Variants in ADAMTSL1 observed in about 807,000 individuals in gnomAD.
ADAMTSL1 encodes ADAMTS-like protein 1.
In ADAMTSL1, 126 loss-of-function variants were observed where a neutral mutation model predicts 201.8. The observed-to-expected ratio is 0.62, with a 90% CI of 0.54 to 0.72. The LOEUF is 0.72. Ranked by LOEUF, ADAMTSL1 falls within the 30% of genes least tolerant of loss-of-function variation. The probability of loss-of-function intolerance (pLI) is 0.00; values close to 1 mark genes in which losing one functional copy is unlikely to be tolerated. For missense variants in ADAMTSL1, 2,679 were observed against 2,277.8 expected (o/e 1.18, Z -3.59); for synonymous variants, 1,121 against 903.4 (o/e 1.24, Z -4.32).
At chr9:18,677,222 C>T (rs1344033023) in intron 10 of ADAMTSL1, among the ~76,000 whole-genome samples, 1 of 151,686 alleles carries the variant, frequency 6.6e-6, no homozygotes, top group Non-Finnish European at 1.5e-5. Context: ...TTAACTCTTT[C>T]ACTACGTGGC....
chr9:18,646,171 C>G (rs1827798223), intron 7 of ADAMTSL1, among the ~76,000 whole-genome samples: 1 of 151,618 alleles, frequency 6.6e-6, no homozygotes, highest in Non-Finnish European at 1.5e-5. Context: ...GGAGTTCACT[C>G]ATGATTTGGC....
intron 3 of ADAMTSL1, among the ~76,000 whole-genome samples, chr9:18,556,047 T>C (rs1007406776): frequency 6.6e-6 from 1 of 151,918 alleles, no homozygotes; most frequent in African/African-American, 2.4e-5. Flanking sequence ...AGCTCAGCTC[T>C]CAGGATCTGT....
chr9:18,815,420 C>T (rs10963781), intron 20 of ADAMTSL1, among the ~76,000 whole-genome samples: 28,013 of 150,906 alleles, frequency 0.19, 2,867 homozygotes, highest in East Asian at 0.31. Flanking sequence ...CGTGGTGGCT[C>T]ATGCCTGTAA....
At chr9:18,600,901 T>G (rs754878174) in intron 4 of ADAMTSL1, among the ~76,000 whole-genome samples, 4 of 152,210 alleles carry the variant, frequency 2.6e-5, no homozygotes, top group Non-Finnish European at 4.4e-5. Context: ...ATTTACGTTA[T>G]TTTTCTTTCT....
At position 18,574,023 on chromosome 9, in the gene ADAMTSL1, T is replaced by A. The variant is rs1822527865; in HGVS notation, c.238-7T>A. 1 of 1,610,374 alleles carries A rather than the reference T, an allele frequency of 6.2e-7. No homozygotes were observed. Among genetic ancestry groups the A allele is most frequent in the African/African-American group, 1.3e-5 (1 of 74,776 alleles). ...CTTTGTATGTCCTTTCTCTCTTTTTTCTCCAGGACTGCCCACCAGAAGCAG... is the reference window on the plus strand; with the variant it reads ...CTTTGTATGTCCTTTCTCTCTTTTTACTCCAGGACTGCCCACCAGAAGCAG... On this transcript the variant is annotated splice_polypyrimidine_tract_variant and splice_region_variant and intron_variant, in intron 3 of 28. Coordinates refer to ENST00000380548, the MANE Select transcript of ADAMTSL1 (RefSeq NM_001040272.6).
At chr9:18,442,431 G>T (rs1820031942) in intron 2 of ADAMTSL1, among the ~76,000 whole-genome samples, 1 of 152,150 alleles carries the variant, frequency 6.6e-6, no homozygotes, top group Admixed American at 6.5e-5. Flanking sequence ...TATCTTCTAT[G>T]CAGACTTTCA....
At chr9:18,455,137 C>A (rs970770825) in intron 2 of ADAMTSL1, among the ~76,000 whole-genome samples, 1 of 152,118 alleles carries the variant, frequency 6.6e-6, no homozygotes, top group African/African-American at 2.4e-5. Context: ...GTTAAAATTA[C>A]TGTTTATTGC....
At chr9:18,319,560 A>G (rs895766783) in intron 2 of ADAMTSL1, among the ~76,000 whole-genome samples, 1 of 152,182 alleles carries the variant, frequency 6.6e-6, no homozygotes, top group Non-Finnish European at 1.5e-5. Context: ...GATACAAAAA[A>G]TAAAAATCTG....
At chr9:18,486,161 G>A (rs183070989) in intron 1 of ADAMTSL1, among the ~76,000 whole-genome samples, 3 of 152,322 alleles carry the variant, frequency 2.0e-5, no homozygotes, top group Admixed American at 2.0e-4. Context: ...AAGTGTGAAA[G>A]AGTTAGTAAT....
chr9:18,232,715 A>G (rs1194816679), intron 2 of ADAMTSL1, among the ~76,000 whole-genome samples: 1 of 152,164 alleles, frequency 6.6e-6, no homozygotes, highest in Non-Finnish European at 1.5e-5. Flanking sequence ...GTAAATTTGT[A>G]CACCAAACTT....
chr9:18,384,286 A>G (rs2133195028), intron 2 of ADAMTSL1, among the ~76,000 whole-genome samples: 1 of 152,126 alleles, frequency 6.6e-6, no homozygotes, highest in South Asian at 2.1e-4. Context: ...AGTGCCACAC[A>G]CTTTTAAACC....
chr9:18,263,596 T>C (rs1383724351), intron 2 of ADAMTSL1, among the ~76,000 whole-genome samples: 1 of 152,230 alleles, frequency 6.6e-6, no homozygotes, highest in Non-Finnish European at 1.5e-5. Context: ...TAGCTACTAT[T>C]GTGGACTGAA....
chr9:18,419,768 T>G (rs761840573), intron 2 of ADAMTSL1, among the ~76,000 whole-genome samples: 5 of 149,902 alleles, frequency 3.3e-5, no homozygotes, highest in Non-Finnish European at 7.4e-5. Context: ...AGTCTTGCTC[T>G]GTCGCTCAGG....
chr9:18,191,723 C>T (rs1381516814), intron 2 of ADAMTSL1, among the ~76,000 whole-genome samples: 2 of 152,154 alleles, frequency 1.3e-5, no homozygotes, highest in African/African-American at 4.8e-5. Context: ...CTTAAGACTG[C>T]AAATAATTGT....
At chr9:18,673,531 A>C (rs575403624) in intron 9 of ADAMTSL1, among the ~76,000 whole-genome samples, 1 of 152,238 alleles carries the variant, frequency 6.6e-6, no homozygotes, top group Non-Finnish European at 1.5e-5. Flanking sequence ...ACAAAAACAT[A>C]ATTTCTAAAT....
chr9:18,773,334 C>T (rs907834276), intron 17 of ADAMTSL1, among the ~76,000 whole-genome samples: 4 of 152,274 alleles, frequency 2.6e-5, no homozygotes, highest in Admixed American at 6.5e-5. Context: ...CCCTCAATCT[C>T]CTGAAAGAGT....
At chr9:17,943,273 G>A (rs2131352434) in intron 1 of ADAMTSL1, among the ~76,000 whole-genome samples, 1 of 152,136 alleles carries the variant, frequency 6.6e-6, no homozygotes, top group Non-Finnish European at 1.5e-5. Context: ...TAGTAACAGT[G>A]TTCATAAAGA....
intron 15 of ADAMTSL1, among the ~76,000 whole-genome samples, chr9:18,740,276 G>T (rs558158374): frequency 1.3e-5 from 2 of 152,030 alleles, no homozygotes; most frequent in South Asian, 4.2e-4. Context: ...GAGGCTGTGA[G>T]CTTGAACTGT....
At chr9:18,421,133 C>T (rs190004254) in intron 2 of ADAMTSL1, among the ~76,000 whole-genome samples, 3 of 152,302 alleles carry the variant, frequency 2.0e-5, no homozygotes, top group African/African-American at 7.2e-5. Context: ...CACTGGAATG[C>T]GTTCCCTGAT....
Sources: allele counts gnomAD v4.1 joint callset (sites outside exome capture counted in the v4.1 genomes callset), GRCh38; gene constraint gnomAD v4.1.1; transcripts MANE v1.5; gene names NCBI Gene and HGNC (gene_info 2026-07-23, HGNC 2026-07-21).